Variants in CLNK observed in about 807,000 individuals in gnomAD.
CLNK encodes the protein cytokine-dependent hematopoietic cell linker.
A neutral mutation model predicts 68.6 loss-of-function variants in CLNK; 74 were observed. That is an observed-to-expected ratio of 1.08 (90% confidence interval 0.89 to 1.31). CLNK has a LOEUF of 1.31. CLNK is among the 50% of genes most tolerant of loss of function. CLNK has a pLI of 0.00. For missense variants in CLNK, 553 were observed against 515.3 expected (o/e 1.07, Z -0.71); for synonymous variants, 198 against 172.2 (o/e 1.15, Z -1.17).
In CLNK at chr4:10,501,255, C is replaced by T. The variant is rs1172691670; in HGVS notation, c.1140+1G>A. On this transcript the variant is annotated splice_donor_variant, in intron 18 of 18. Coordinates refer to ENST00000226951, the MANE Select transcript of CLNK (RefSeq NM_052964.4). LOFTEE classifies it high-confidence loss of function. ...CAGGGAGGCTGTTAAGTTATACCCA[C>T]CTCATCTCCTCTGAGTCCTGTCCCC... 7 of 1,567,570 alleles carry T rather than the reference C, an allele frequency of 4.5e-6. No homozygotes were observed. In the Admixed American group the frequency reaches 1.1e-4, roughly 24 times the overall value.
chr4:10,525,747 C>T (rs191587323), intron 14 of CLNK, 94 bp downstream of exon 14: 104 of 698,344 alleles, frequency 1.5e-4, no homozygotes, highest in African/African-American at 9.6e-4. Context: ...CAAAGACTTT[C>T]GTTTCTCAGA....
intron 2 of CLNK, among the ~76,000 whole-genome samples, chr4:10,600,736 G>T (rs1238034687): frequency 6.6e-6 from 1 of 152,228 alleles, no homozygotes; most frequent in Admixed American, 6.5e-5. Flanking sequence ...GAGCCATGTA[G>T]TTAACTGGAC....
intron 18 of CLNK, among the ~76,000 whole-genome samples, chr4:10,495,836 G>GAT (rs1716788928): frequency 6.8e-6 from 1 of 147,948 alleles, no homozygotes; most frequent in African/African-American, 2.5e-5. Flanking sequence ...GAGAGAGAGA[G>GAT]ATGAGGAGAA....
chr4:10,556,243 A>G (rs1719668761), intron 8 of CLNK, among the ~76,000 whole-genome samples: 1 of 152,240 alleles, frequency 6.6e-6, no homozygotes, highest in Non-Finnish European at 1.5e-5. Context: ...AATTCATACC[A>G]CATAAGGAAG....
chr4:10,667,902 T>G lies in CLNK; in HGVS notation c.-33A>C. On this transcript the variant is annotated 5_prime_UTR_variant, in exon 2 of 19. Coordinates refer to ENST00000226951, the MANE Select transcript of CLNK (RefSeq NM_052964.4). ...GGCACCTGGCGGGTAAGAGGGATCT[T>G]CAATTCAGCCTGTGGAAACAAAAGC... 2 of 1,364,758 alleles carry G rather than the reference T, an allele frequency of 1.5e-6. No individual in the cohort carries two copies. The highest frequency in any genetic ancestry group is 1.9e-6 in the Non-Finnish European group (2 of 1,044,354). 84.5% of individuals were successfully genotyped at this position (1,364,758 alleles called of 1,614,324 possible).
intron 3 of CLNK, among the ~76,000 whole-genome samples, chr4:10,594,082 T>C (rs1411169898): frequency 6.6e-6 from 1 of 152,220 alleles, no homozygotes; most frequent in Non-Finnish European, 1.5e-5. Flanking sequence ...TGATCTGTTA[T>C]GTATATACTT....
At chr4:10,679,506 T>C (rs893333259) in intron 1 of CLNK, among the ~76,000 whole-genome samples, 3 of 152,194 alleles carry the variant, frequency 2.0e-5, no homozygotes, top group African/African-American at 7.2e-5. Flanking sequence ...AAAGCCAAAA[T>C]TGACAAATGG....
intron 2 of CLNK, among the ~76,000 whole-genome samples, chr4:10,640,296 C>G (rs1259412324): frequency 6.6e-6 from 1 of 152,174 alleles, no homozygotes; most frequent in Non-Finnish European, 1.5e-5. Context: ...TCCCAAGTAG[C>G]TGGGATTATA....
the CLNK span, among the ~76,000 whole-genome samples, chr4:10,690,015 GTGAGCT>G: frequency 6.6e-6 from 1 of 152,110 alleles, no homozygotes; most frequent in Non-Finnish European, 1.5e-5. Context: ...GAATCTCCAT[GTGAGCT>G]GAAGTCATGT....
intron 2 of CLNK, among the ~76,000 whole-genome samples, chr4:10,623,723 AG>A (rs1722548698): frequency 6.6e-6 from 1 of 152,246 alleles, no homozygotes; most frequent in African/African-American, 2.4e-5. Flanking sequence ...CCTGAACTGT[AG>A]GGACTCCTTG....
At chr4:10,550,202 A>G (rs1719390237) in intron 8 of CLNK, among the ~76,000 whole-genome samples, 2 of 152,214 alleles carry the variant, frequency 1.3e-5, no homozygotes, top group South Asian at 4.1e-4. Flanking sequence ...TATTAAAAAT[A>G]CATTACATAG....
chr4:10,571,664 C>T (rs1720359092), intron 5 of CLNK, 77 bp downstream of exon 5: 2 of 1,169,308 alleles, frequency 1.7e-6, no homozygotes, highest in Non-Finnish European at 2.5e-6. Context: ...AACATTTTAC[C>T]CAGTATCTTG....
chr4:10,681,245 G>T (rs1725082507), intron 1 of CLNK, among the ~76,000 whole-genome samples: 1 of 152,132 alleles, frequency 6.6e-6, no homozygotes, highest in Non-Finnish European at 1.5e-5. Context: ...TGGATACATA[G>T]GTCAAAGTAC....
At chr4:10,608,401 G>A (rs972471279) in intron 2 of CLNK, among the ~76,000 whole-genome samples, 6 of 151,942 alleles carry the variant, frequency 3.9e-5, no homozygotes, top group Non-Finnish European at 5.9e-5. Flanking sequence ...TGGTCTTCTG[G>A]TACCAGCACA....
intron 2 of CLNK, chr4:10,635,741 A>G (rs1723060689): frequency 6.6e-6 from 1 of 152,214 alleles, no homozygotes; most frequent in Non-Finnish European, 1.5e-5. Context: ...TTCCATCTCA[A>G]AGATGAAGAC....
At chr4:10,674,361 A>G (rs1212052977) in intron 1 of CLNK, among the ~76,000 whole-genome samples, 2 of 152,208 alleles carry the variant, frequency 1.3e-5, no homozygotes, top group African/African-American at 4.8e-5. Context: ...GCTAGACGCC[A>G]ATGCAAATCT....
the CLNK span, among the ~76,000 whole-genome samples, chr4:10,691,496 A>G: frequency 9.2e-5 from 14 of 152,284 alleles, no homozygotes; most frequent in South Asian, 2.7e-3. Context: ...AGCTCAGCAT[A>G]GCTATGTTTC....
chr4:10,547,332 A>AGC (rs1719273651), intron 8 of CLNK, among the ~76,000 whole-genome samples: 1 of 152,142 alleles, frequency 6.6e-6, no homozygotes, highest in African/African-American at 2.4e-5. Context: ...GACATAGAAG[A>AGC]GCTTTACATA....
rs1717035047 is a variant in CLNK at position 10,501,283 on chromosome 4, G to A, written c.1113C>T (p.Ala371=). The change falls in exon 18 of 19, where the codon GCC becomes GCT. Residue 371 remains alanine (A), a synonymous_variant. Coordinates refer to ENST00000226951, the MANE Select transcript of CLNK (RefSeq NM_052964.4). The stretch of plus-strand genomic sequence containing the variant: ...CATCTCCTCTGAGTCCTGTCCCCAG[G>A]GCAAACTGCTGATTCCTCTCCAGGA... The part of the protein sequence containing the change: ...IRFLERNQQF[A]LGTGLRGDEK... 12 of 1,601,008 alleles carry A rather than the reference G, an allele frequency of 7.5e-6. No homozygotes were observed. The highest frequency in any genetic ancestry group is 1.0e-5 in the Non-Finnish European group (12 of 1,175,796).
Sources: gnomAD v4.1 joint callset for allele counts (sites outside exome capture counted in the v4.1 genomes callset) on GRCh38, gnomAD v4.1.1 for gene constraint, MANE v1.5 for transcripts, NCBI Gene and HGNC (gene_info 2026-07-23, HGNC 2026-07-21) for gene names.